The following IMMP2L variants were observed in gnomAD, a reference collection of about 807,000 sequenced individuals.
The protein encoded by IMMP2L is inner mitochondrial membrane peptidase subunit 2.
In IMMP2L, 18 loss-of-function variants were observed where a neutral mutation model predicts 19.3. The ratio of observed to expected loss-of-function variants is 0.93; its 90% CI spans 0.64 to 1.38. The LOEUF is 1.38. Ranked by LOEUF, IMMP2L falls within the 40% of genes most tolerant of loss-of-function variation. The pLI is 0.00. For synonymous variants in IMMP2L, 76 were observed against 73.0 expected, an observed-to-expected ratio of 1.04 and a Z score of -0.21; for missense variants, 233 against 218.2, an observed-to-expected ratio of 1.07 and a Z score of -0.43.
intron 3 of IMMP2L, among the ~76,000 whole-genome samples, chr7:111,456,317 C>A (rs1346788549): frequency 6.6e-6 from 1 of 151,924 alleles, no homozygotes; most frequent in Non-Finnish European, 1.5e-5. Context: ...AATGAAAAAA[C>A]ACTCATTCCT....
At chr7:110,838,240 T>C (rs1406053) in intron 5 of IMMP2L, among the ~76,000 whole-genome samples, 2,505 of 152,248 alleles carry the variant, frequency 0.016, 79 homozygotes, top group African/African-American at 0.057. Context: ...ATAATATACA[T>C]GTTCTACTAT....
At chr7:111,028,284 G>T (rs1827065373) in intron 3 of IMMP2L, among the ~76,000 whole-genome samples, 2 of 152,014 alleles carry the variant, frequency 1.3e-5, no homozygotes, top group South Asian at 4.1e-4. Flanking sequence ...TATTTTATGA[G>T]ATTAAGCACA....
At chr7:111,216,471 T>C (rs1811936021) in intron 3 of IMMP2L, among the ~76,000 whole-genome samples, 1 of 152,178 alleles carries the variant, frequency 6.6e-6, no homozygotes, top group African/African-American at 2.4e-5. Flanking sequence ...ATGAATACAA[T>C]GTAGAATAAT....
intron 1 of IMMP2L, among the ~76,000 whole-genome samples, chr7:111,556,309 T>TG (rs1193768482): frequency 6.6e-6 from 1 of 151,986 alleles, no homozygotes; most frequent in African/African-American, 2.4e-5. Flanking sequence ...TAGCTACTCT[T>TG]GTCATACACA....
intron 5 of IMMP2L, among the ~76,000 whole-genome samples, chr7:110,670,204 T>C (rs1791794449): frequency 6.6e-6 from 1 of 151,676 alleles, no homozygotes; most frequent in African/African-American, 2.4e-5. Flanking sequence ...GAAGTTCATG[T>C]GAGAACATAG....
chr7:110,862,401 AC>A (rs1254830028), intron 5 of IMMP2L, among the ~76,000 whole-genome samples: 26 of 151,640 alleles, frequency 1.7e-4, no homozygotes, highest in Non-Finnish European at 1.6e-4. Context: ...GTGTAGTGGC[AC>A]AATCATAGCT....
In IMMP2L at chr7:111,104,578, A is replaced by G. The variant is rs570524690; in HGVS notation, c.240-141013T>C. Among the ~76,000 whole-genome samples, 26 of 150,316 alleles carry G rather than the reference A, an allele frequency of 1.7e-4. No individual in the cohort carries two copies. The South Asian group carries it at 5.4e-3, about 31-fold the overall frequency. On this transcript the variant is annotated intron_variant, in intron 3 of 5. Transcript: ENST00000405709. The stretch of plus-strand genomic sequence containing the variant: ...TGGTTGCCAGCAATAGTTGTAAATC[A>G]TGCTAAATAACAGAAAAGTCTCATC...
At chr7:110,992,652 TAA>T (rs768864583) in intron 3 of IMMP2L, among the ~76,000 whole-genome samples, 5 of 151,818 alleles carry the variant, frequency 3.3e-5, no homozygotes, top group African/African-American at 4.8e-5. Context: ...TATTATGATA[TAA>T]GTCATAATAT....
intron 2 of IMMP2L, among the ~76,000 whole-genome samples, chr7:111,500,988 G>C (rs1299600306): frequency 6.6e-6 from 1 of 152,168 alleles, no homozygotes; most frequent in South Asian, 2.1e-4. Flanking sequence ...ACTTTGACGA[G>C]TTGAGAGAAG....
At chr7:111,124,240 G>C (rs1801014892) in intron 3 of IMMP2L, 1 of 1,614,012 alleles carries the variant, frequency 6.2e-7, no homozygotes, top group Middle Eastern at 1.7e-4. Flanking sequence ...AACTCCCAAA[G>C]AAGGGGGTTT....
In IMMP2L at chr7:111,081,722, A is replaced by T. The variant is rs541954875; in HGVS notation, c.240-118157T>A. Among the ~76,000 whole-genome samples the T allele has an allele frequency of 2.1e-4, 32 of 152,350 alleles. No homozygotes were observed. In the Middle Eastern group the frequency reaches 0.01, roughly 49 times the overall value. On this transcript the variant is annotated intron_variant, in intron 3 of 5. Coordinates refer to ENST00000405709, the MANE Select transcript of IMMP2L (RefSeq NM_032549.4). ...TGAAAGGATTAAAGTAGCTCAACAC[A>T]GAGGTAAGAATGACTTCCTCCTGTG...
intron 3 of IMMP2L, among the ~76,000 whole-genome samples, chr7:111,431,081 T>A (rs1188692290): frequency 6.6e-6 from 1 of 151,864 alleles, no homozygotes; most frequent in East Asian, 1.9e-4. Context: ...CACTCCAGCC[T>A]AGGCAAAAGA....
intron 3 of IMMP2L, among the ~76,000 whole-genome samples, chr7:111,098,078 A>C (rs2129579305): frequency 6.6e-6 from 1 of 151,874 alleles, no homozygotes; most frequent in South Asian, 2.1e-4. Flanking sequence ...AGATAAACAT[A>C]CTCTAAGAAC....
intron 3 of IMMP2L, among the ~76,000 whole-genome samples, chr7:110,982,804 G>A (rs916453888): frequency 1.6e-4 from 25 of 152,004 alleles, no homozygotes; most frequent in Admixed American, 1.5e-3. Flanking sequence ...TTGTAAGTAG[G>A]ATCTTTGCAA....
At chr7:111,365,202 T>A (rs1829656870) in intron 3 of IMMP2L, among the ~76,000 whole-genome samples, 1 of 152,060 alleles carries the variant, frequency 6.6e-6, no homozygotes, top group African/African-American at 2.4e-5. Flanking sequence ...CAATCCTATA[T>A]CTCCTTAGTT....
intron 4 of IMMP2L, among the ~76,000 whole-genome samples, chr7:110,912,834 C>T (rs1813204394): frequency 6.6e-6 from 1 of 151,958 alleles, no homozygotes; most frequent in Non-Finnish European, 1.5e-5. Context: ...TGCTCAGGAA[C>T]TGATGCCTGA....
intron 4 of IMMP2L, among the ~76,000 whole-genome samples, chr7:110,941,288 A>C (rs1816708500): frequency 6.6e-6 from 1 of 152,310 alleles, no homozygotes; most frequent in African/African-American, 2.4e-5. Context: ...AACATGCCAT[A>C]TAACTTCTGT....
chr7:110,810,784 G>C (rs1453344181), intron 5 of IMMP2L, among the ~76,000 whole-genome samples: 2 of 152,068 alleles, frequency 1.3e-5, no homozygotes, highest in Non-Finnish European at 2.9e-5. Flanking sequence ...ACCTGAATTT[G>C]TGAAGTAGTT....
intron 3 of IMMP2L, among the ~76,000 whole-genome samples, chr7:110,980,227 C>CTTCTTTT (rs1357424350): frequency 1.1e-5 from 1 of 91,904 alleles, no homozygotes; most frequent in Non-Finnish European, 2.0e-5. Flanking sequence ...TGTGCTGCTT[C>CTTCTTTT]TTTTTTTTTT....
Sources: allele counts gnomAD v4.1 joint callset (sites outside exome capture counted in the v4.1 genomes callset), GRCh38; gene constraint gnomAD v4.1.1; transcripts MANE v1.5; gene names NCBI Gene and HGNC (gene_info 2026-07-23, HGNC 2026-07-21).